The following FLNB variants were observed in gnomAD, a reference collection of about 807,000 sequenced individuals.
FLNB encodes filamin B, also known as filamin-B.
FLNB carries 111 observed loss-of-function variants against 250.6 expected under a neutral mutation model. The observed-to-expected ratio is 0.44, with a 90% CI of 0.38 to 0.52. FLNB has a LOEUF of 0.52. Ranked by LOEUF, FLNB falls within the 20% of genes least tolerant of loss-of-function variation. The pLI is 0.00. For synonymous variants in FLNB, 1,302 were observed against 1,372.1 expected (o/e 0.95, Z 1.13); for missense variants, 2,869 against 3,447.8 (o/e 0.83, Z 4.20).
chr3:58,166,407 T>A (rs1237222891), intron 43 of FLNB, among the ~76,000 whole-genome samples: 1 of 151,618 alleles, frequency 6.6e-6, no homozygotes, highest in Non-Finnish European at 1.5e-5. Context: ...CTGGGTGACA[T>A]AGTAAAACTC....
intron 1 of FLNB, among the ~76,000 whole-genome samples, chr3:58,025,832 AG>A (rs2106735193): frequency 6.6e-6 from 1 of 152,352 alleles, no homozygotes; most frequent in East Asian, 1.9e-4. Flanking sequence ...AGGCTGAGGC[AG>A]GAAAATCGCT....
At chr3:58,021,901 C>G (rs1013495672) in intron 1 of FLNB, among the ~76,000 whole-genome samples, 1 of 152,026 alleles carries the variant, frequency 6.6e-6, no homozygotes, top group African/African-American at 2.4e-5. Flanking sequence ...CAGCCTCCCA[C>G]GTAGTCAGAA....
intron 26 of FLNB, among the ~76,000 whole-genome samples, chr3:58,134,287 A>G (rs965762324): frequency 1.2e-4 from 18 of 152,210 alleles, no homozygotes; most frequent in Non-Finnish European, 2.4e-4. Context: ...GAATCTAACT[A>G]GTGCCTGATG....
intron 8 of FLNB, among the ~76,000 whole-genome samples, chr3:58,101,011 A>G (rs778644009): frequency 1.3e-5 from 2 of 152,172 alleles, no homozygotes; most frequent in Non-Finnish European, 2.9e-5. Flanking sequence ...CTGGGTTTAC[A>G]GATGTAAATT....
intron 35 of FLNB, 31 bp from the exon 36 acceptor site, chr3:58,148,618 C>T (rs886174857): frequency 1.3e-6 from 2 of 1,591,760 alleles, no homozygotes; most frequent in Non-Finnish European, 1.7e-6. Context: ...CCGCCATCCC[C>T]TTACAAGCCC....
chr3:58,017,701 A>G (rs2097107789), intron 1 of FLNB, among the ~76,000 whole-genome samples: 1 of 152,198 alleles, frequency 6.6e-6, no homozygotes, highest in Non-Finnish European at 1.5e-5. Flanking sequence ...CTCTTCTGCA[A>G]ACTGTTTATT....
intron 8 of FLNB, among the ~76,000 whole-genome samples, chr3:58,100,373 A>AAAAAAAAAAAAAAAATATATATATAT: frequency 9.6e-6 from 1 of 104,346 alleles, no homozygotes; most frequent in African/African-American, 4.6e-5. Context: ...GTAAAAAAAA[A>AAAAAAAAAAAAAAAATATATATATAT]ATATATATAT....
intron 24 of FLNB, among the ~76,000 whole-genome samples, chr3:58,128,197 C>T (rs1006772440): frequency 6.6e-6 from 1 of 152,156 alleles, no homozygotes; most frequent in Admixed American, 6.5e-5. Flanking sequence ...TGTCCACTGA[C>T]CACACGCTTT....
intron 5 of FLNB, 52 bp from the exon 6 acceptor site, chr3:58,096,088 CT>C: frequency 1.4e-6 from 2 of 1,386,408 alleles, no homozygotes; most frequent in Non-Finnish European, 2.0e-6. Flanking sequence ...ACACAGCATG[CT>C]CCTTACTCAC....
chr3:58,147,902 C>A (rs547362456), intron 34 of FLNB, among the ~76,000 whole-genome samples: 1 of 152,162 alleles, frequency 6.6e-6, no homozygotes. Context: ...TCAAGTGATT[C>A]GTCTGCCTCA....
intron 1 of FLNB, among the ~76,000 whole-genome samples, chr3:58,057,143 T>C (rs2097171844): frequency 6.6e-6 from 1 of 151,984 alleles, no homozygotes; most frequent in African/African-American, 2.4e-5. Flanking sequence ...GCCTGGTTAA[T>C]TTTTGTATTT....
chr3:58,117,095 G>A (rs886355765), intron 18 of FLNB, among the ~76,000 whole-genome samples: 3 of 152,182 alleles, frequency 2.0e-5, no homozygotes, highest in Admixed American at 2.0e-4. Flanking sequence ...GGTTTCAGAA[G>A]CATGTAGAGG....
chr3:58,123,806 C>T lies in FLNB; in HGVS notation c.3724+116C>T, dbSNP rs17058846. 3.0e-3 allele frequency: 2,507 copies of T among 829,362 alleles called. 52 individuals carry two copies. The African/African-American group carries it at 0.036, about 12-fold the overall frequency. 51.4% of individuals were successfully genotyped at this position (829,362 alleles called of 1,614,324 possible). On this transcript the variant is annotated intron_variant, in intron 21 of 45. Transcript: ENST00000295956. ...TGCAGGAGCCAGGTGACATATAAGGCGGTGCTCACCTGTTCCCTCTGCCTC... is the reference window on the plus strand; with the variant it reads ...TGCAGGAGCCAGGTGACATATAAGGTGGTGCTCACCTGTTCCCTCTGCCTC...
intron 4 of FLNB, among the ~76,000 whole-genome samples, chr3:58,087,556 C>T (rs919025973): frequency 6.6e-6 from 1 of 150,632 alleles, no homozygotes; most frequent in Non-Finnish European, 1.5e-5. Flanking sequence ...CGGGTTCAAG[C>T]GTTCTCCTGC....
intron 36 of FLNB, 110 bp from the exon 37 acceptor site, chr3:58,149,740 C>A: frequency 7.1e-7 from 1 of 1,401,028 alleles, no homozygotes. Flanking sequence ...TTTCTTTCTG[C>A]TATGTAGAAA....
intron 1 of FLNB, among the ~76,000 whole-genome samples, chr3:58,018,158 T>G (rs1236880137): frequency 6.6e-6 from 1 of 152,080 alleles, no homozygotes; most frequent in African/African-American, 2.4e-5. Flanking sequence ...TTACTTATAC[T>G]ACTTCTAATC....
intron 4 of FLNB, among the ~76,000 whole-genome samples, chr3:58,085,773 C>T (rs139206343): frequency 6.6e-6 from 1 of 152,284 alleles, no homozygotes; most frequent in African/African-American, 2.4e-5. Flanking sequence ...TCTGAGTAAT[C>T]AGAGGGGTAC....
chr3:58,093,167 G>T (rs1164161662), intron 4 of FLNB, among the ~76,000 whole-genome samples: 1 of 152,188 alleles, frequency 6.6e-6, no homozygotes, highest in Non-Finnish European at 1.5e-5. Flanking sequence ...TTTAGCAGTT[G>T]TGTAGTGAAG....
intron 1 of FLNB, among the ~76,000 whole-genome samples, chr3:58,039,116 C>T (rs1205392374): frequency 2.0e-5 from 3 of 148,616 alleles, no homozygotes; most frequent in Non-Finnish European, 4.4e-5. Flanking sequence ...CAGCCTTGAC[C>T]ACGTGGGCTC....
Sources: allele counts gnomAD v4.1 joint callset (sites outside exome capture counted in the v4.1 genomes callset), GRCh38; gene constraint gnomAD v4.1.1; transcripts MANE v1.5; gene names NCBI Gene and HGNC (gene_info 2026-07-23, HGNC 2026-07-21).